GRIA4: variants seen among roughly 807,000 people sequenced by gnomAD.
The protein encoded by GRIA4 is glutamate ionotropic receptor AMPA type subunit 4, also known as glutamate receptor 4.
A neutral mutation model predicts 104.0 loss-of-function variants in GRIA4; 34 were observed. That is an observed-to-expected ratio of 0.33 (90% CI 0.25 to 0.44). The LOEUF is 0.44. GRIA4 is among the 20% of genes least tolerant of loss of function. The pLI, the probability that GRIA4 is intolerant of heterozygous loss-of-function variation, is 1.00. For missense variants in GRIA4, 750 were observed against 1,096.5 expected, an observed-to-expected ratio of 0.68 and a Z score of 4.46; for synonymous variants, 386 against 381.9, an observed-to-expected ratio of 1.01 and a Z score of -0.13.
At chr11:105,954,726 A>AT (rs1565363465) in intron 14 of GRIA4, among the ~76,000 whole-genome samples, 1 of 151,978 alleles carries the variant, frequency 6.6e-6, no homozygotes, top group African/African-American at 2.4e-5. Flanking sequence ...TATCAACACT[A>AT]TAACGCCAGA....
intron 3 of GRIA4, among the ~76,000 whole-genome samples, chr11:105,735,183 G>C (rs1938856261): frequency 6.6e-6 from 1 of 151,636 alleles, no homozygotes; most frequent in Non-Finnish European, 1.5e-5. Context: ...TAAACCCTTA[G>C]AGACTTTCCA....
intron 3 of GRIA4, among the ~76,000 whole-genome samples, chr11:105,659,687 T>A (rs1458207813): frequency 6.6e-6 from 1 of 151,884 alleles, no homozygotes; most frequent in African/African-American, 2.4e-5. Flanking sequence ...AGCTTGTTAA[T>A]TGACAAGCTC....
chr11:105,784,669 C>A (rs1009492808), intron 4 of GRIA4, among the ~76,000 whole-genome samples: 13 of 152,142 alleles, frequency 8.5e-5, no homozygotes, highest in Non-Finnish European at 1.9e-4. Flanking sequence ...AATAAACTAT[C>A]AATTTTGCAC....
intron 6 of GRIA4, among the ~76,000 whole-genome samples, chr11:105,891,931 C>T (rs1946467939): frequency 6.6e-6 from 1 of 151,968 alleles, no homozygotes; most frequent in Non-Finnish European, 1.5e-5. Context: ...CCTCTAGCAC[C>T]CAGCTTATGT....
intron 3 of GRIA4, among the ~76,000 whole-genome samples, chr11:105,639,619 A>G (rs187145523): frequency 6.6e-6 from 1 of 152,182 alleles, no homozygotes; most frequent in African/African-American, 2.4e-5. Flanking sequence ...TGATGTTGCT[A>G]TCATACTTTT....
At chr11:105,850,482 C>T (rs1944766600) in intron 4 of GRIA4, among the ~76,000 whole-genome samples, 1 of 152,124 alleles carries the variant, frequency 6.6e-6, no homozygotes, top group Non-Finnish European at 1.5e-5. Context: ...TAAGTAGTAA[C>T]TCAAAAGCTT....
chr11:105,813,537 C>T (rs966157930), intron 4 of GRIA4, among the ~76,000 whole-genome samples: 2 of 152,104 alleles, frequency 1.3e-5, no homozygotes, highest in East Asian at 1.9e-4. Context: ...TATTGCGTTG[C>T]TTAGTTCCAG....
intron 3 of GRIA4, among the ~76,000 whole-genome samples, chr11:105,639,177 T>G (rs1951289273): frequency 6.6e-6 from 1 of 152,136 alleles, no homozygotes; most frequent in African/African-American, 2.4e-5. Context: ...AGATCTAATT[T>G]AGTGTTCCTT....
chr11:105,907,972 T>C (rs1947104449), intron 9 of GRIA4, among the ~76,000 whole-genome samples: 1 of 152,020 alleles, frequency 6.6e-6, no homozygotes, highest in African/African-American at 2.4e-5. Context: ...GGTTTCAAGA[T>C]CTTGAAACAT....
At chr11:105,662,701 G>A (rs773006039) in intron 3 of GRIA4, among the ~76,000 whole-genome samples, 5 of 151,884 alleles carry the variant, frequency 3.3e-5, no homozygotes, top group Non-Finnish European at 7.4e-5. Context: ...CAAAGCAAGT[G>A]TTCGATCACA....
intron 4 of GRIA4, among the ~76,000 whole-genome samples, chr11:105,787,472 C>CTT (rs67901321): frequency 0.41 from 40,745 of 98,510 alleles, 9,360 homozygotes; most frequent in Non-Finnish European, 0.48. Context: ...TAAAGAATTC[C>CTT]TTTTTTTTTT....
chr11:105,648,631 G>C (rs1234030395), intron 3 of GRIA4, among the ~76,000 whole-genome samples: 2 of 151,810 alleles, frequency 1.3e-5, no homozygotes, highest in African/African-American at 2.4e-5. Context: ...AGGATGCAGA[G>C]AAAGAAAAGA....
intron 14 of GRIA4, among the ~76,000 whole-genome samples, chr11:105,967,316 CAT>C (rs1250751862): frequency 6.6e-6 from 1 of 152,004 alleles, no homozygotes; most frequent in Non-Finnish European, 1.5e-5. Context: ...ATAACAGAAA[CAT>C]ATATATGTTA....
intron 3 of GRIA4, among the ~76,000 whole-genome samples, chr11:105,671,448 G>A (rs1852519784): frequency 6.6e-6 from 1 of 151,684 alleles, no homozygotes. Context: ...AGACCAAGGA[G>A]GGTGAATCAC....
chr11:105,696,806 C>A (rs1369509817), intron 3 of GRIA4, among the ~76,000 whole-genome samples: 1 of 151,942 alleles, frequency 6.6e-6, no homozygotes, highest in Non-Finnish European at 1.5e-5. Flanking sequence ...CTCTAATCGT[C>A]CAGGCTGGAG....
At chr11:105,837,904 T>A (rs1232663395) in intron 4 of GRIA4, among the ~76,000 whole-genome samples, 1 of 152,168 alleles carries the variant, frequency 6.6e-6, no homozygotes, top group Non-Finnish European at 1.5e-5. Flanking sequence ...CTATTTCCAT[T>A]ACACTTATCT....
chr11:105,832,752 G>A (rs1258695046), intron 4 of GRIA4, among the ~76,000 whole-genome samples: 5 of 152,010 alleles, frequency 3.3e-5, no homozygotes, highest in Non-Finnish European at 4.4e-5. Flanking sequence ...GAGAAGATGT[G>A]GCAGAAGCTG....
At chr11:105,882,410 A>C (rs189770515) in intron 5 of GRIA4, among the ~76,000 whole-genome samples, 1 of 152,174 alleles carries the variant, frequency 6.6e-6, no homozygotes, top group African/African-American at 2.4e-5. Flanking sequence ...AGGACTCCTG[A>C]GTACTTTATA....
At chr11:105,894,236 T>C (rs948286037) in intron 6 of GRIA4, among the ~76,000 whole-genome samples, 4 of 152,080 alleles carry the variant, frequency 2.6e-5, no homozygotes, top group Non-Finnish European at 4.4e-5. Flanking sequence ...AAATTTAAAA[T>C]ACCTCTGTGT....
Sources: gnomAD v4.1 joint callset for allele counts (sites outside exome capture counted in the v4.1 genomes callset) on GRCh38, gnomAD v4.1.1 for gene constraint, MANE v1.5 for transcripts, NCBI Gene and HGNC (gene_info 2026-07-23, HGNC 2026-07-21) for gene names.